CAMK2D: variants seen among roughly 807,000 people sequenced by gnomAD.
CAMK2D encodes calcium/calmodulin dependent protein kinase II delta.
A neutral mutation model predicts 84.0 loss-of-function variants in CAMK2D; 37 were observed. The ratio of observed to expected loss-of-function variants is 0.44; its 90% CI spans 0.34 to 0.58. The LOEUF (loss-of-function observed/expected upper bound fraction) is 0.58. CAMK2D is among the 20% of genes least tolerant of loss of function. The pLI is 0.02. For synonymous variants in CAMK2D, 202 were observed against 212.5 expected (o/e 0.95, Z 0.43); for missense variants, 448 against 652.5 (o/e 0.69, Z 3.41).
intron 8 of CAMK2D, among the ~76,000 whole-genome samples, chr4:113,529,577 T>C (rs2098444608): frequency 6.6e-6 from 1 of 152,034 alleles, no homozygotes; most frequent in African/African-American, 2.4e-5. Context: ...AGTAGGGTAA[T>C]GTTGCAGCAT....
rs1180358739 is a variant in CAMK2D at position 113,504,984 on chromosome 4, G to C, written c.1036C>G (p.Pro346Ala). The C allele has an allele frequency of 6.4e-7, 1 of 1,572,536 alleles. No homozygotes were observed. The highest frequency in any genetic ancestry group is 8.6e-7 in the Non-Finnish European group (1 of 1,165,396). ...AAAGAGTCCAGGTATACCAGCGCTG[G>C]GGTAGGAATATTTTCTTTGGGGCTG... ...VTSPKENIPT[P>A]ALEPQTTVIH... Residue 346 changes from proline to alanine, a missense_variant, in exon 14 of 21, where the codon CCA becomes GCA. Pro to Ala is a conservative substitution (Grantham distance 27, BLOSUM62 -1). Coordinates refer to ENST00000511664, the MANE Select transcript of CAMK2D (RefSeq NM_001321571.2).
At chr4:113,492,120 GT>G (rs1401768350) in intron 16 of CAMK2D, among the ~76,000 whole-genome samples, 2 of 151,906 alleles carry the variant, frequency 1.3e-5, no homozygotes, top group African/African-American at 2.4e-5. Context: ...TTTTTAAAGG[GT>G]TTTTTGTGTC....
chr4:113,674,661 T>C (rs2099310861), intron 2 of CAMK2D, among the ~76,000 whole-genome samples: 1 of 152,214 alleles, frequency 6.6e-6, no homozygotes, highest in South Asian at 2.1e-4. Context: ...AATTAACAGA[T>C]CTACTGCCCA....
At chr4:113,710,732 G>A (rs2099489612) in intron 2 of CAMK2D, among the ~76,000 whole-genome samples, 1 of 152,080 alleles carries the variant, frequency 6.6e-6, no homozygotes, top group Non-Finnish European at 1.5e-5. Context: ...TCAGCAGCTA[G>A]GCAAGGCAAT....
intron 16 of CAMK2D, among the ~76,000 whole-genome samples, chr4:113,466,705 T>G (rs932316818): frequency 1.3e-5 from 2 of 152,206 alleles, no homozygotes; most frequent in African/African-American, 4.8e-5. Context: ...GGTGAAATTA[T>G]TAATAGTGGT....
At chr4:113,678,911 G>C (rs1208678313) in intron 2 of CAMK2D, among the ~76,000 whole-genome samples, 1 of 152,114 alleles carries the variant, frequency 6.6e-6, no homozygotes, top group Non-Finnish European at 1.5e-5. Context: ...CACAGATCAA[G>C]AAACAGATCT....
At chr4:113,614,708 A>G (rs1453910078) in intron 3 of CAMK2D, among the ~76,000 whole-genome samples, 2 of 152,192 alleles carry the variant, frequency 1.3e-5, no homozygotes, top group African/African-American at 4.8e-5. Context: ...TAATAAACTG[A>G]TGTTATTTTA....
intron 17 of CAMK2D, among the ~76,000 whole-genome samples, chr4:113,464,543 C>T (rs939283000): frequency 3.3e-5 from 5 of 152,202 alleles, no homozygotes; most frequent in Admixed American, 6.5e-5. Context: ...AAGTCTTTCA[C>T]TGGGGTGGAA....
At chr4:113,705,318 C>T (rs1473987575) in intron 2 of CAMK2D, among the ~76,000 whole-genome samples, 1 of 140,106 alleles carries the variant, frequency 7.1e-6, no homozygotes. Flanking sequence ...CAAAGTGAGA[C>T]TCCATCTCAA....
intron 8 of CAMK2D, among the ~76,000 whole-genome samples, chr4:113,530,460 T>G (rs2154182063): frequency 6.6e-6 from 1 of 152,316 alleles, no homozygotes; most frequent in African/African-American, 2.4e-5. Context: ...AAATTTCAGA[T>G]TTTTTGATTA....
chr4:113,527,446 T>C (rs1254440099), intron 8 of CAMK2D, among the ~76,000 whole-genome samples: 1 of 152,080 alleles, frequency 6.6e-6, no homozygotes, highest in Non-Finnish European at 1.5e-5. Context: ...TTAGACATAA[T>C]GCTATCGTAT....
chr4:113,522,558 T>C (rs1012852808), intron 8 of CAMK2D, among the ~76,000 whole-genome samples: 12 of 152,168 alleles, frequency 7.9e-5, no homozygotes, highest in Non-Finnish European at 1.3e-4. Context: ...CTATGCCATG[T>C]AGTAGGAGTG....
chr4:113,737,708 A>C (rs2099584417), intron 2 of CAMK2D, among the ~76,000 whole-genome samples: 1 of 152,170 alleles, frequency 6.6e-6, no homozygotes, highest in South Asian at 2.1e-4. Context: ...ACTGTCCTTT[A>C]TATTTTTGTT....
chr4:113,696,950 T>C (rs2099404719), intron 2 of CAMK2D, among the ~76,000 whole-genome samples: 1 of 152,008 alleles, frequency 6.6e-6, no homozygotes, highest in Non-Finnish European at 1.5e-5. Flanking sequence ...CATATGAACG[T>C]TTTGAGGTAG....
intron 16 of CAMK2D, among the ~76,000 whole-genome samples, chr4:113,491,898 A>G (rs1457944050): frequency 6.6e-6 from 1 of 151,918 alleles, no homozygotes; most frequent in Admixed American, 6.6e-5. Context: ...GAATTTATCC[A>G]TTTCTTCTAG....
At chr4:113,596,612 G>C (rs537849944) in intron 4 of CAMK2D, among the ~76,000 whole-genome samples, 1 of 152,252 alleles carries the variant, frequency 6.6e-6, no homozygotes, top group South Asian at 2.1e-4. Context: ...ATCTCCGTCA[G>C]AGCTCTTGGG....
At chr4:113,519,084 G>C (rs1025990095) in intron 8 of CAMK2D, among the ~76,000 whole-genome samples, 5 of 151,994 alleles carry the variant, frequency 3.3e-5, no homozygotes, top group Admixed American at 1.3e-4. Context: ...GTTTCTCTTT[G>C]TGTTCTCAGG....
At chr4:113,735,567 C>T (rs2099579426) in intron 2 of CAMK2D, among the ~76,000 whole-genome samples, 1 of 152,100 alleles carries the variant, frequency 6.6e-6, no homozygotes, top group Admixed American at 6.5e-5. Flanking sequence ...TTATAATTTA[C>T]AGTGTTTTCA....
intron 16 of CAMK2D, among the ~76,000 whole-genome samples, chr4:113,466,615 G>A (rs2097473378): frequency 6.6e-6 from 1 of 152,180 alleles, no homozygotes; most frequent in Admixed American, 6.5e-5. Context: ...GATGTAGGCA[G>A]ATAATAAGAT....
Sources: allele counts gnomAD v4.1 joint callset (sites outside exome capture counted in the v4.1 genomes callset), GRCh38; gene constraint gnomAD v4.1.1; transcripts MANE v1.5; gene names NCBI Gene and HGNC (gene_info 2026-07-23, HGNC 2026-07-21).